The following HERC4 variants were observed in gnomAD, a reference collection of about 807,000 sequenced individuals.
The protein encoded by HERC4 is HECT and RLD domain containing E3 ubiquitin protein ligase 4.
Under a neutral mutation model 124.3 loss-of-function variants are expected in HERC4, and 28 were observed. The ratio of observed to expected loss-of-function variants is 0.23; its 90% confidence interval spans 0.17 to 0.31. HERC4 has a LOEUF of 0.31. HERC4 is among the 10% of genes least tolerant of loss of function. The probability of loss-of-function intolerance (pLI) is 1.00; values close to 1 mark genes in which losing one functional copy is unlikely to be tolerated. For missense variants in HERC4, 713 were observed against 1,229.3 expected (o/e 0.58, Z 6.28); for synonymous variants, 407 against 421.5 (o/e 0.97, Z 0.42).
chr10:67,957,439 CTCT>C (rs2034212801), intron 16 of HERC4, among the ~76,000 whole-genome samples: 1 of 152,148 alleles, frequency 6.6e-6, no homozygotes, highest in Non-Finnish European at 1.5e-5. Flanking sequence ...GTCCAATAAT[CTCT>C]TCATTTACTT....
intron 23 of HERC4, among the ~76,000 whole-genome samples, chr10:67,927,430 A>ATATATATTTTTT (rs1564911511): frequency 7.9e-5 from 3 of 37,896 alleles, no homozygotes; most frequent in Non-Finnish European, 1.5e-4. Flanking sequence ...ATATATATAT[A>ATATATATTTTTT]TTTTTTTTTT....
intron 19 of HERC4, among the ~76,000 whole-genome samples, chr10:67,948,870 G>A (rs771021344): frequency 2.0e-4 from 31 of 151,924 alleles, no homozygotes; most frequent in East Asian, 3.9e-4. Flanking sequence ...GCAGTGAGCC[G>A]AGACTGTGCC....
intron 10 of HERC4, 76 bp downstream of exon 10, chr10:67,992,530 G>T: frequency 3.7e-6 from 4 of 1,073,846 alleles, no homozygotes; most frequent in Non-Finnish European, 5.5e-6. Context: ...AACATATAAA[G>T]AACATTAATA....
intron 9 of HERC4, among the ~76,000 whole-genome samples, chr10:67,996,607 T>C (rs2036897767): frequency 6.6e-6 from 1 of 152,084 alleles, no homozygotes; most frequent in Non-Finnish European, 1.5e-5. Flanking sequence ...ATTGAGAAAC[T>C]TAAAAAATAG....
At chr10:68,068,991 G>A (rs977925926) in intron 3 of HERC4, 2 of 945,998 alleles carry the variant, frequency 2.1e-6, no homozygotes, top group African/African-American at 3.5e-5. Flanking sequence ...CTGTTTTTTA[G>A]ATAACAGGGC....
intron 9 of HERC4, chr10:67,994,047 A>G (rs915160071): frequency 5.9e-5 from 9 of 152,202 alleles, no homozygotes; most frequent in African/African-American, 2.2e-4. Flanking sequence ...CAAATATGCA[A>G]TTGTTATCTA....
At chr10:67,990,836 A>T (rs1044611100) in intron 13 of HERC4, 68 bp downstream of exon 13, 5 of 924,594 alleles carry the variant, frequency 5.4e-6, no homozygotes, top group Non-Finnish European at 8.1e-6. Flanking sequence ...ATTAGGCTAT[A>T]AACGTATAAA....
chr10:68,039,744 A>G, intron 4 of HERC4: 1 of 1,273,258 alleles, frequency 7.9e-7, no homozygotes. Flanking sequence ...AATAAAAAAT[A>G]CATGAACATA....
intron 7 of HERC4, among the ~76,000 whole-genome samples, chr10:68,029,618 G>C (rs1440741521): frequency 6.6e-6 from 1 of 150,812 alleles, no homozygotes; most frequent in African/African-American, 2.4e-5. Flanking sequence ...ATTATTTCTG[G>C]TGTAGTTGTG....
rs146159666 is a variant in HERC4, at chr10:68,034,131, A to T, written c.519T>A (p.Thr173=). 25 of 1,614,166 alleles carry T rather than the reference A, an allele frequency of 1.5e-5. No homozygotes were observed. The highest frequency in any genetic ancestry group is 2.1e-5 in the Non-Finnish European group (25 of 1,180,028). ...GCGGTGAAGTTTGCTTTTTACAGTC[A>T]GTACCTAAACCCAATTGGCCATATT... ...QNKYGQLGLG[T]DCKKQTSPQL... The change falls in exon 6 of 25, where the codon ACT becomes ACA. Residue 173 remains threonine, a synonymous_variant. Transcript: ENST00000373700.
intron 3 of HERC4, among the ~76,000 whole-genome samples, chr10:68,051,210 T>C (rs1384130797): frequency 6.6e-6 from 1 of 152,036 alleles, no homozygotes; most frequent in African/African-American, 2.4e-5. Flanking sequence ...AAATGTTTGA[T>C]GCTAAACTTG....
At chr10:67,985,962 T>C (rs543065832) in intron 15 of HERC4, among the ~76,000 whole-genome samples, 18 of 152,304 alleles carry the variant, frequency 1.2e-4, no homozygotes, top group Admixed American at 2.6e-4. Flanking sequence ...TTCTTAACCA[T>C]AGAGCAGAGG....
At chr10:68,027,206 T>C (rs1313036679) in intron 7 of HERC4, among the ~76,000 whole-genome samples, 2 of 152,220 alleles carry the variant, frequency 1.3e-5, no homozygotes, top group African/African-American at 4.8e-5. Context: ...CATACTGTTA[T>C]ATGAGAACAT....
intron 3 of HERC4, among the ~76,000 whole-genome samples, chr10:68,050,403 GTAGT>G (rs1564595266): frequency 6.6e-6 from 1 of 152,166 alleles, no homozygotes; most frequent in African/African-American, 2.4e-5. Context: ...CTTAGAGTAA[GTAGT>G]TAAAGCAATG....
intron 20 of HERC4, 65 bp from the exon 21 acceptor site, chr10:67,939,719 T>C: frequency 1.3e-6 from 1 of 769,896 alleles, no homozygotes. Flanking sequence ...ATTTTACTTA[T>C]GGATATATAT....
intron 9 of HERC4, among the ~76,000 whole-genome samples, chr10:68,006,613 G>C (rs1262625341): frequency 1.3e-5 from 2 of 151,904 alleles, no homozygotes; most frequent in Admixed American, 1.3e-4. Flanking sequence ...CCTGACCTCA[G>C]GTGATCTGCC....
chr10:68,001,197 C>A (rs1225961566), intron 9 of HERC4, among the ~76,000 whole-genome samples: 6 of 151,734 alleles, frequency 4.0e-5, no homozygotes, highest in African/African-American at 1.2e-4. Flanking sequence ...ATAGTGAGAC[C>A]CCGTCTCTAC....
intron 19 of HERC4, among the ~76,000 whole-genome samples, chr10:67,950,949 G>T (rs1386189569): frequency 6.6e-6 from 1 of 152,114 alleles, no homozygotes; most frequent in Non-Finnish European, 1.5e-5. Context: ...GCCATGGCTG[G>T]GGTGGAGAAA....
chr10:67,966,600 C>G, intron 16 of HERC4, 83 bp downstream of exon 16: 9 of 1,378,816 alleles, frequency 6.5e-6, no homozygotes, highest in Non-Finnish European at 7.9e-6. Flanking sequence ...AAAACTTTCT[C>G]ATTTCAAAAC....
Sources: allele counts gnomAD v4.1 joint callset (sites outside exome capture counted in the v4.1 genomes callset), GRCh38; gene constraint gnomAD v4.1.1; transcripts MANE v1.5; gene names NCBI Gene and HGNC (gene_info 2026-07-23, HGNC 2026-07-21).